ICE2: variants seen among roughly 807,000 people sequenced by gnomAD.
ICE2 encodes the protein little elongation complex subunit 2.
In ICE2, 87 loss-of-function variants were observed where a neutral mutation model predicts 105.4. The ratio of observed to expected loss-of-function variants is 0.83; its 90% CI spans 0.69 to 0.99. ICE2 has a LOEUF of 0.99. Among genes scored for constraint, ICE2 ranks in the 50% least tolerant of loss-of-function variants. The probability of loss-of-function intolerance (pLI) is 0.00; values close to 1 mark genes in which losing one functional copy is unlikely to be tolerated. For synonymous variants in ICE2, 399 were observed against 392.0 expected (o/e 1.02, Z -0.21); for missense variants, 1,323 against 1,146.7 (o/e 1.15, Z -2.22).
chr15:60,464,859 T>G (rs1035865514), intron 5 of ICE2, among the ~76,000 whole-genome samples: 2 of 152,114 alleles, frequency 1.3e-5, no homozygotes, highest in African/African-American at 4.8e-5. Flanking sequence ...CTAAAAAAAG[T>G]TAGCTGCAGT....
rs116790532 is a variant in ICE2 at position 60,427,096 on chromosome 15, A to T, written c.2820+1333T>A. Among the ~76,000 whole-genome samples, 414 of 152,334 alleles carry T rather than the reference A, an allele frequency of 2.7e-3. 1 individual carries two copies. Among genetic ancestry groups the T allele is most frequent in the African/African-American group, 9.5e-3 (395 of 41,576 alleles). The stretch of plus-strand genomic sequence containing the variant: ...ACAAGGAGTTCTCATTTCTAAAAGG[A>T]TACTCCCAAACAGTAACTTAGAGTG... On this transcript the variant is annotated intron_variant, in intron 15 of 15. Transcript: ENST00000261520.
At chr15:60,451,394 T>C in intron 9 of ICE2, 1 of 945,572 alleles carries the variant, frequency 1.1e-6, no homozygotes, top group Non-Finnish European at 1.3e-6. Context: ...GATAAAGTCT[T>C]ATTCTATGTT....
chr15:60,428,808 T>C, intron 14 of ICE2, 121 bp from the exon 15 acceptor site: 2 of 969,614 alleles, frequency 2.1e-6, no homozygotes, highest in Non-Finnish European at 3.0e-6. Flanking sequence ...CCTCTAAAAA[T>C]ACTTTTATGA....
chr15:60,453,447 G>T, intron 9 of ICE2, 156 bp downstream of exon 9: 1 of 1,400,360 alleles, frequency 7.1e-7, no homozygotes, highest in Non-Finnish European at 9.3e-7. Context: ...GGTTAAGTTA[G>T]TTGCCTAAAG....
chr15:60,461,183 T>C (rs563600194), intron 5 of ICE2, among the ~76,000 whole-genome samples: 1 of 152,308 alleles, frequency 6.6e-6, no homozygotes, highest in Non-Finnish European at 1.5e-5. Flanking sequence ...ATTTCTATGC[T>C]AGAACACATG....
chr15:60,435,139 G>A (rs1030370427), intron 13 of ICE2, among the ~76,000 whole-genome samples: 5 of 151,836 alleles, frequency 3.3e-5, no homozygotes, highest in Non-Finnish European at 7.4e-5. Flanking sequence ...AACTTAGCTG[G>A]GTGTGGTGGC....
In ICE2 at chr15:60,466,775, C is replaced by G. The variant is rs1232078050; in HGVS notation, c.409-62G>C. 4 of 1,308,830 alleles carry G rather than the reference C, an allele frequency of 3.1e-6. 1 individual carries two copies. The African/African-American group carries it at 4.5e-5, about 15-fold the overall frequency. 81.1% of individuals were successfully genotyped at this position (1,308,830 alleles called of 1,614,324 possible). A position where few individuals can be genotyped will look rare whatever the true frequency, so the allele number is the denominator to read the frequency against. ...AAGTTTCATTAAAAAGAATCACATTCTTAATCATTGCTATAATAATTTGGA... is the reference window on the plus strand; with the variant it reads ...AAGTTTCATTAAAAAGAATCACATTGTTAATCATTGCTATAATAATTTGGA... On this transcript the variant is annotated intron_variant, in intron 4 of 15. Transcript: ENST00000261520.
At position 60,479,049 on chromosome 15, in the gene ICE2, A is replaced by C. The variant is rs994082510; in HGVS notation, c.-139T>G. ...TGCCCAGGCCGCAGCCACACACCAC[A>C]CACGCTCCACCCCACTCCTCACATT... On this transcript the variant is annotated 5_prime_UTR_variant, in exon 1 of 16. Coordinates refer to ENST00000261520, the MANE Select transcript of ICE2 (RefSeq NM_024611.6). 2.2e-6 allele frequency: 1 copy of C among 455,716 alleles called. No individual in the cohort carries two copies. Among genetic ancestry groups the C allele is most frequent in the South Asian group, 1.5e-5 (1 of 64,528 alleles). 28.2% of individuals were successfully genotyped at this position (455,716 alleles called of 1,614,324 possible).
intron 15 of ICE2, 38 bp from the exon 16 acceptor site, chr15:60,423,800 T>C: frequency 6.6e-7 from 1 of 1,523,162 alleles, no homozygotes; most frequent in South Asian, 1.3e-5. Context: ...GCTTAATGTA[T>C]CTACAACATA....
intron 9 of ICE2, among the ~76,000 whole-genome samples, chr15:60,450,763 A>G (rs935050447): frequency 2.0e-5 from 3 of 152,194 alleles, no homozygotes; most frequent in Non-Finnish European, 4.4e-5. Context: ...GATTTGTTCT[A>G]AAGATTAAGT....
intron 14 of ICE2, among the ~76,000 whole-genome samples, chr15:60,430,403 C>T (rs2063429879): frequency 6.6e-6 from 1 of 151,862 alleles, no homozygotes; most frequent in Non-Finnish European, 1.5e-5. Context: ...TGTTAGACCT[C>T]TGACTTGAGA....
intron 6 of ICE2, 133 bp from the exon 7 acceptor site, chr15:60,455,575 C>T: frequency 1.6e-6 from 1 of 625,108 alleles, no homozygotes; most frequent in Non-Finnish European, 2.7e-6. Context: ...GATTTAGAAA[C>T]TTTATGCCAA....
rs1377271436 is a variant in ICE2, at chr15:60,442,553, G to A, written c.2296-8C>T. 2 of 1,556,576 alleles carry A rather than the reference G, an allele frequency of 1.3e-6. No homozygotes were observed. Among genetic ancestry groups the A allele is most frequent in the South Asian group, 2.4e-5 (2 of 82,122 alleles). On this transcript the variant is annotated splice_region_variant and splice_polypyrimidine_tract_variant and intron_variant, in intron 11 of 15. Transcript: ENST00000261520. ...TACATAAACTGGAAATTGCTGCAAT[G>A]CAAAATTATACTTTTTCAAAGCTCT... is the stretch of plus-strand genomic sequence containing the variant.
At chr15:60,438,225 A>C (rs1006861185) in intron 12 of ICE2, 2 of 152,208 alleles carry the variant, frequency 1.3e-5, no homozygotes, top group African/African-American at 4.8e-5. Flanking sequence ...TGAGAATATA[A>C]GACGTATCAA....
At chr15:60,454,938 G>A (rs746485744) in intron 8 of ICE2, 65 bp downstream of exon 8, 583 of 1,365,300 alleles carry the variant, frequency 4.3e-4, no homozygotes, top group Non-Finnish European at 5.5e-4. Flanking sequence ...TCCTATTTAT[G>A]AGTGAGAACA....
chr15:60,447,331 T>C (rs867307745), intron 11 of ICE2, among the ~76,000 whole-genome samples: 69 of 152,178 alleles, frequency 4.5e-4, no homozygotes, highest in African/African-American at 1.5e-3. Flanking sequence ...AAAACAGGTA[T>C]ATATATGCCA....
Position 60,448,054 on chromosome 15 carries a change from C to A in ICE2, c.2211G>T (p.Leu737=). The change falls in exon 11 of 16, where the codon CTG becomes CTT. Residue 737 remains leucine (L), a synonymous_variant. Transcript: ENST00000261520. ...AGCGTACGAGTAACAACAGGTCTTG[C>A]AGGCTAAATAACTTATAAACAAAAT... ...EGNFVYKLFS[L]QDLLLLVRCS... The A allele has an allele frequency of 6.2e-7, 1 of 1,613,646 alleles. No homozygotes were observed. Among genetic ancestry groups the A allele is most frequent in the South Asian group, 1.1e-5 (1 of 91,078 alleles).
chr15:60,466,719 T>A lies in ICE2; in HGVS notation c.409-6A>T, dbSNP rs763217220. On this transcript the variant is annotated splice_polypyrimidine_tract_variant and splice_region_variant and intron_variant, in intron 4 of 15. Transcript: ENST00000261520. ...TTCACATGTTTTTTCATATCCTGAT[T>A]TTTAAAAAAGTAGACATGTCTTGGG... is the stretch of plus-strand genomic sequence containing the variant. 8.2e-6 allele frequency: 13 copies of A among 1,591,992 alleles called. No homozygotes were observed. In the South Asian group the frequency reaches 1.0e-4, roughly 12 times the overall value.
intron 13 of ICE2, among the ~76,000 whole-genome samples, chr15:60,434,467 G>A (rs1184954959): frequency 6.8e-6 from 1 of 147,638 alleles, no homozygotes; most frequent in African/African-American, 2.6e-5. Context: ...TAATATAAAC[G>A]GATCACAAAT....
Sources: allele counts gnomAD v4.1 joint callset (sites outside exome capture counted in the v4.1 genomes callset), GRCh38; gene constraint gnomAD v4.1.1; transcripts MANE v1.5; gene names NCBI Gene and HGNC (gene_info 2026-07-23, HGNC 2026-07-21).